NT5DC3: variants seen among roughly 807,000 people sequenced by gnomAD.
NT5DC3 encodes 5'-nucleotidase domain-containing protein 3.
Under a neutral mutation model 67.8 loss-of-function variants are expected in NT5DC3, and 42 were observed. That is an observed-to-expected ratio of 0.62 (90% CI 0.48 to 0.80). The LOEUF is 0.80. Among genes scored for constraint, NT5DC3 ranks in the 30% least tolerant of loss-of-function variants. The pLI is 0.00. For missense variants in NT5DC3, 570 were observed against 696.4 expected (o/e 0.82, Z 2.04); for synonymous variants, 237 against 255.6 (o/e 0.93, Z 0.69).
intron 1 of NT5DC3, among the ~76,000 whole-genome samples, chr12:103,825,886 T>C (rs1438557687): frequency 6.6e-6 from 1 of 152,216 alleles, no homozygotes; most frequent in African/African-American, 2.4e-5. Context: ...GCCATCCACA[T>C]GCTGTGCACC....
chr12:103,834,638 C>T (rs1888069049), intron 1 of NT5DC3, among the ~76,000 whole-genome samples: 1 of 152,082 alleles, frequency 6.6e-6, no homozygotes, highest in South Asian at 2.1e-4. Flanking sequence ...GGGTGTAGGG[C>T]TTACAAAAAC....
chr12:103,804,825 G>A (rs1417781655), intron 4 of NT5DC3, among the ~76,000 whole-genome samples: 1 of 152,236 alleles, frequency 6.6e-6, no homozygotes, highest in Non-Finnish European at 1.5e-5. Flanking sequence ...ACTGAGGCGG[G>A]CAGATCACCT....
chr12:103,803,447 A>G (rs1445723309), intron 4 of NT5DC3, among the ~76,000 whole-genome samples: 2 of 152,214 alleles, frequency 1.3e-5, no homozygotes, highest in Non-Finnish European at 2.9e-5. Flanking sequence ...TTTAATATAC[A>G]TGTTACTTAC....
At chr12:103,780,111 C>T (rs1885487242) in intron 13 of NT5DC3, among the ~76,000 whole-genome samples, 189 bp downstream of exon 13, 1 of 152,162 alleles carries the variant, frequency 6.6e-6, no homozygotes, top group Non-Finnish European at 1.5e-5. Flanking sequence ...TGGCTGGCCT[C>T]AAGGAAATTT....
chr12:103,761,529 C>T, the NT5DC3 span: 1 of 854,836 alleles, frequency 1.2e-6, no homozygotes, highest in Non-Finnish European at 1.8e-6. Context: ...CTGGAGGAGC[C>T]TCCAGCCTCC....
intron 12 of NT5DC3, among the ~76,000 whole-genome samples, chr12:103,784,617 G>A (rs564158182): frequency 2.6e-5 from 4 of 152,362 alleles, no homozygotes; most frequent in Admixed American, 2.0e-4. Flanking sequence ...ATGCTGAGAC[G>A]GCTGTAGCCC....
At chr12:103,807,781 G>A (rs545745119) in intron 2 of NT5DC3, among the ~76,000 whole-genome samples, 39 of 152,038 alleles carry the variant, frequency 2.6e-4, no homozygotes, top group Middle Eastern at 3.2e-3. Flanking sequence ...TGATGGGGGC[G>A]GCTTCCCCCA....
At chr12:103,827,402 C>G (rs1376756854) in intron 1 of NT5DC3, among the ~76,000 whole-genome samples, 1 of 151,962 alleles carries the variant, frequency 6.6e-6, no homozygotes, top group Non-Finnish European at 1.5e-5. Context: ...ATCTATAAAC[C>G]GAAACTCTAG....
At position 103,787,830 on chromosome 12, in the gene NT5DC3, G is replaced by GC. The variant is rs531785376; in HGVS notation, c.1102-304dup. 2.0e-4 allele frequency among the ~76,000 whole-genome samples: 30 copies of GC among 152,062 alleles called. No homozygotes were observed. The South Asian group carries it at 3.1e-3, about 16-fold the overall frequency. ...GCTGGGAAGTACCATGATTCCTTTC[G>GC]CCAATTCCCTGATGTTGGACAGCTG... On this transcript the variant is annotated intron_variant, in intron 10 of 13. Coordinates refer to ENST00000392876, the MANE Select transcript of NT5DC3 (RefSeq NM_001031701.3).
At chr12:103,830,564 C>T (rs1193357398) in intron 1 of NT5DC3, among the ~76,000 whole-genome samples, 1 of 152,196 alleles carries the variant, frequency 6.6e-6, no homozygotes, top group African/African-American at 2.4e-5. Flanking sequence ...ATATCCATCT[C>T]TTTGATTATA....
chr12:103,809,808 T>G (rs182650267), intron 2 of NT5DC3, among the ~76,000 whole-genome samples: 136 of 152,238 alleles, frequency 8.9e-4, no homozygotes, highest in Admixed American at 3.1e-3. Flanking sequence ...TCAATGATCT[T>G]GAAAACTGAC....
chr12:103,773,684 C>T lies in NT5DC3; in HGVS notation c.*4145G>A, dbSNP rs770704603. On this transcript the variant is annotated 3_prime_UTR_variant, in exon 14 of 14. Coordinates refer to ENST00000392876, the MANE Select transcript of NT5DC3 (RefSeq NM_001031701.3). Reference sequence around the variant, plus strand: ...GTCTTAGAGCATTCTAGACAAGGAGCCCCAAGTGGTCTTTGGCAGCAAATG... The same window carrying T: ...GTCTTAGAGCATTCTAGACAAGGAGTCCCAAGTGGTCTTTGGCAGCAAATG... The T allele has an allele frequency of 6.6e-6, 1 of 152,210 alleles. No homozygotes were observed. Among genetic ancestry groups the T allele is most frequent in the Non-Finnish European group, 1.5e-5 (1 of 68,036 alleles). 9.4% of individuals were successfully genotyped at this position (152,210 alleles called of 1,614,324 possible).
the NT5DC3 span, among the ~76,000 whole-genome samples, chr12:103,765,218 A>G: frequency 6.6e-6 from 1 of 151,846 alleles, no homozygotes; most frequent in African/African-American, 2.4e-5. Flanking sequence ...TCTCCAATGC[A>G]CCCCATGCCT....
the NT5DC3 span, among the ~76,000 whole-genome samples, chr12:103,761,766 C>T: frequency 6.6e-6 from 1 of 152,164 alleles, no homozygotes; most frequent in Non-Finnish European, 1.5e-5. Flanking sequence ...CAAAATGGGG[C>T]TCATAATGCC....
At chr12:103,779,669 G>C (rs1409236163) in intron 13 of NT5DC3, among the ~76,000 whole-genome samples, 2 of 152,160 alleles carry the variant, frequency 1.3e-5, no homozygotes, top group Admixed American at 1.3e-4. Flanking sequence ...CCAAAGCTCA[G>C]AGACGGCTAT....
intron 1 of NT5DC3, among the ~76,000 whole-genome samples, chr12:103,832,849 A>G (rs1887989986): frequency 6.6e-6 from 1 of 152,236 alleles, no homozygotes; most frequent in Non-Finnish European, 1.5e-5. Context: ...ACCAGAAGAC[A>G]CTAAGATTCC....
rs760421056 is a variant in NT5DC3, at chr12:103,811,829, C to A, written c.393+3108G>T. Among the ~76,000 whole-genome samples the A allele has an allele frequency of 2.0e-5, 3 of 152,108 alleles. No homozygotes were observed. The East Asian group carries it at 5.8e-4, about 29-fold the overall frequency. ...CAGGAACTCAGTATTTGCAACCTTT[C>A]CGTAAGCCTAAAACTATCCTAAAAG... On this transcript the variant is annotated intron_variant, in intron 2 of 13. Coordinates refer to ENST00000392876, the MANE Select transcript of NT5DC3 (RefSeq NM_001031701.3).
intron 1 of NT5DC3, among the ~76,000 whole-genome samples, chr12:103,819,329 G>A (rs1484455170): frequency 2.0e-5 from 3 of 152,176 alleles, no homozygotes; most frequent in Non-Finnish European, 2.9e-5. Flanking sequence ...GAAAAAGAAC[G>A]CCAACCACTC....
rs747134663 is a variant in NT5DC3, at chr12:103,806,360, G to T, written c.486C>A (p.Ile162=). 6.2e-7 allele frequency: 1 copy of T among 1,602,720 alleles called. No individual in the cohort carries two copies. The highest frequency in any genetic ancestry group is 8.5e-7 in the Non-Finnish European group (1 of 1,169,860). Residue 162 remains isoleucine, a synonymous_variant, in exon 4 of 14, where the codon ATC becomes ATA. Transcript: ENST00000392876. ...CCAGCTGGATATAATGAAAAGCATC[G>T]ATCTTCATTAATACTGCCTTTAAAA... ...YDVQRAVLMK[I]DAFHYIQLGT... is the part of the protein sequence containing the mutation.
Sources: allele counts gnomAD v4.1 joint callset (sites outside exome capture counted in the v4.1 genomes callset), GRCh38; gene constraint gnomAD v4.1.1; transcripts MANE v1.5; gene names NCBI Gene and HGNC (gene_info 2026-07-23, HGNC 2026-07-21).